SDR42E1: variants seen among roughly 807,000 people sequenced by gnomAD.
The protein encoded by SDR42E1 is short chain dehydrogenase/reductase family 42E, member 1.
In SDR42E1, 5 loss-of-function variants were observed where a neutral mutation model predicts 2.6. The ratio of observed to expected loss-of-function variants is 1.94; its 90% CI spans 1.01 to 4.08. The LOEUF (loss-of-function observed/expected upper bound fraction) is 4.08, where lower values mean the gene tolerates loss of function less well. SDR42E1 is among the 30% of genes most tolerant of loss of function. The probability of loss-of-function intolerance (pLI) is 0.00; values close to 1 mark genes in which losing one functional copy is unlikely to be tolerated. For missense variants in SDR42E1, 596 were observed against 478.6 expected (o/e 1.25, Z -2.29); for synonymous variants, 231 against 188.3 (o/e 1.23, Z -1.86).
In SDR42E1 at chr16:81,998,297, A is replaced by G. The variant is rs767717126; in HGVS notation, c.*814T>C. Reference sequence around the variant, plus strand: ...TGGCCTTCTTAGAGGCCTAAACTTTACAAATAGAGTATATCCAAATACACT... The same window carrying G: ...TGGCCTTCTTAGAGGCCTAAACTTTGCAAATAGAGTATATCCAAATACACT... On this transcript the variant is annotated 3_prime_UTR_variant, in exon 3 of 3. Coordinates refer to ENST00000328945, the MANE Select transcript of SDR42E1 (RefSeq NM_145168.3). 4 of 152,184 alleles carry G rather than the reference A, an allele frequency of 2.6e-5. No homozygotes were observed. The highest frequency in any genetic ancestry group is 4.4e-5 in the Non-Finnish European group (3 of 68,036). 9.4% of individuals were successfully genotyped at this position (152,184 alleles called of 1,614,324 possible). A position where few individuals can be genotyped will look rare whatever the true frequency, so the allele number is the denominator to read the frequency against.
chr16:82,006,607 A>C (rs1251254383), intron 1 of SDR42E1, among the ~76,000 whole-genome samples: 1 of 152,194 alleles, frequency 6.6e-6, no homozygotes, highest in Non-Finnish European at 1.5e-5. Context: ...AGCTGGGCCA[A>C]CATGGTGAAA....
chr16:81,989,660 C>A lies in SDR42E1; in HGVS notation c.*9451G>T, dbSNP rs936761100. ...CATGGTGTAATTGACTCTGCAATCT[C>A]AAGAAAAGAAAAACTCATTTTCAGT... On this transcript the variant is annotated 3_prime_UTR_variant, in exon 3 of 3. Coordinates refer to ENST00000328945, the MANE Select transcript of SDR42E1 (RefSeq NM_145168.3). The A allele has an allele frequency of 6.6e-6, 1 of 152,120 alleles. No homozygotes were observed. Among genetic ancestry groups the A allele is most frequent in the Non-Finnish European group, 1.5e-5 (1 of 68,038 alleles). 9.4% of individuals were successfully genotyped at this position (152,120 alleles called of 1,614,324 possible).
At chr16:82,010,247 T>C (rs1179928748) in intron 1 of SDR42E1, among the ~76,000 whole-genome samples, 1 of 152,226 alleles carries the variant, frequency 6.6e-6, no homozygotes, top group Non-Finnish European at 1.5e-5. Flanking sequence ...GTTACTAGTA[T>C]TATCATCAGC....
At chr16:82,004,057 C>G (rs1158191715) in intron 1 of SDR42E1, among the ~76,000 whole-genome samples, 1 of 152,142 alleles carries the variant, frequency 6.6e-6, no homozygotes, top group Non-Finnish European at 1.5e-5. Flanking sequence ...AAGATACAAA[C>G]CCAAACGAGA....
Position 81,999,128 on chromosome 16 carries a change from CAGA to C in SDR42E1, c.1162_1164del (p.Ser388del), listed in dbSNP as rs530656738. ...CCCCTCCTTCACAGTGACAGAATCA[CAGA>C]AGAAGGCAGCCACATGAGAACTGCT... On this transcript the variant is annotated inframe_deletion, in exon 3 of 3. Transcript: ENST00000328945. The C allele has an allele frequency of 3.8e-3, 6,067 of 1,613,630 alleles. 23 individuals carry two copies. Among genetic ancestry groups the C allele is most frequent in the Non-Finnish European group, 4.3e-3 (5,026 of 1,179,808 alleles).
chr16:82,007,744 G>A (rs1912988880), intron 1 of SDR42E1: 1 of 152,240 alleles, frequency 6.6e-6, no homozygotes. Context: ...CTTCTCCCAT[G>A]TGGCACAGGT....
intron 1 of SDR42E1, among the ~76,000 whole-genome samples, chr16:82,001,958 G>GTA (rs1233340391): frequency 1.6e-5 from 2 of 125,378 alleles, no homozygotes; most frequent in African/African-American, 5.2e-5. Flanking sequence ...CACTGGGTGC[G>GTA]TATACACACA....
rs1293948408 is a variant in SDR42E1, at chr16:82,000,106, C to CAGACAGGT, written c.179_186dup (p.Asp63ThrfsTer5). 1 of 1,614,202 alleles carries CAGACAGGT rather than the reference C, an allele frequency of 6.2e-7. No homozygotes were observed. Among genetic ancestry groups the CAGACAGGT allele is most frequent in the African/African-American group, 1.3e-5 (1 of 75,056 alleles). On this transcript the variant is annotated frameshift_variant, in exon 3 of 3. Coordinates refer to ENST00000328945, the MANE Select transcript of SDR42E1 (RefSeq NM_145168.3). LOFTEE classifies it low-confidence loss of function (END_TRUNC). ...GCATCCTGGAAGGCTTTCTCTACGTCAGACAGGTGGCGGATGTCTCCTTGT... is the reference window on the plus strand; with the variant it reads ...GCATCCTGGAAGGCTTTCTCTACGTCAGACAGGTAGACAGGTGGCGGATGTCTCCTTGT...
intron 1 of SDR42E1, among the ~76,000 whole-genome samples, chr16:82,002,738 T>C (rs1912809428): frequency 6.6e-6 from 1 of 152,200 alleles, no homozygotes; most frequent in Admixed American, 6.5e-5. Context: ...ACTGTGTGTT[T>C]ACCACATGTG....
rs143339322 is a variant in SDR42E1, at chr16:81,992,806, C to G, written c.*6305G>C. ...CATAATTACTTGAGTTCAATGAACT[C>G]AAGTAATTATGAACGCAACTTGAGT... On this transcript the variant is annotated 3_prime_UTR_variant, in exon 3 of 3. Coordinates refer to ENST00000328945, the MANE Select transcript of SDR42E1 (RefSeq NM_145168.3). The G allele has an allele frequency of 1.2e-4, 18 of 152,044 alleles. No homozygotes were observed. The East Asian group carries it at 3.5e-3, about 29-fold the overall frequency. The allele number at this position is 152,044 out of a possible 1,614,324, so 9.4% of individuals were successfully genotyped here.
chr16:82,002,361 G>A (rs1489168729), intron 1 of SDR42E1, among the ~76,000 whole-genome samples: 1 of 152,130 alleles, frequency 6.6e-6, no homozygotes, highest in Non-Finnish European at 1.5e-5. Flanking sequence ...TTTCTCTTCT[G>A]TCTGGTTGTG....
rs142633297 is a variant in SDR42E1 at position 81,998,864 on chromosome 16, T to C, written c.*247A>G. ...TTCTATGGCTCCAAACTGACTTCTATTGTACCCACCTAAAACAGAAGCACA... is the reference window on the plus strand; with the variant it reads ...TTCTATGGCTCCAAACTGACTTCTACTGTACCCACCTAAAACAGAAGCACA... On this transcript the variant is annotated 3_prime_UTR_variant, in exon 3 of 3. Transcript: ENST00000328945. 9.5e-3 allele frequency: 4,916 copies of C among 519,518 alleles called. 102 individuals carry two copies. Among genetic ancestry groups the C allele is most frequent in the South Asian group, 0.055 (2,186 of 39,650 alleles). The allele number at this position is 519,518 out of a possible 1,614,324, so 32.2% of individuals were successfully genotyped here. A position where few individuals can be genotyped will look rare whatever the true frequency, so the allele number is the denominator to read the frequency against.
chr16:82,002,083 C>A (rs894727195), intron 1 of SDR42E1, among the ~76,000 whole-genome samples: 1 of 151,988 alleles, frequency 6.6e-6, no homozygotes, highest in Non-Finnish European at 1.5e-5. Flanking sequence ...TTCTCTTTCC[C>A]AGCCAGGCAC....
In SDR42E1 at chr16:81,992,744, T is replaced by A. The variant is rs886978083; in HGVS notation, c.*6367A>T. The A allele has an allele frequency of 1.3e-5, 2 of 152,162 alleles. No homozygotes were observed. Among genetic ancestry groups the A allele is most frequent in the African/African-American group, 4.8e-5 (2 of 41,442 alleles). The allele number at this position is 152,162 out of a possible 1,614,324, so 9.4% of individuals were successfully genotyped here. A position where few individuals can be genotyped will look rare whatever the true frequency, so the allele number is the denominator to read the frequency against. ...CACTTGCCTGGATCACTTTGCTACA[T>A]GCAATTTCTTTGTAGTGAACTAGAT... is the stretch of plus-strand genomic sequence containing the variant. On this transcript the variant is annotated 3_prime_UTR_variant, in exon 3 of 3. Coordinates refer to ENST00000328945, the MANE Select transcript of SDR42E1 (RefSeq NM_145168.3).
Position 81,999,969 on chromosome 16 carries a change from C to A in SDR42E1, c.324G>T (p.Gln108His), listed in dbSNP as rs372075795. Residue 108 changes from glutamine (Q) to histidine (H), a missense_variant, in exon 3 of 3, where the codon CAG (glutamine) becomes CAT (histidine). Coordinates refer to ENST00000328945, the MANE Select transcript of SDR42E1 (RefSeq NM_145168.3). ...VNVRGTDNILQVCQRRRVPRL... is the reference protein window; with the variant it reads ...VNVRGTDNILHVCQRRRVPRL... The stretch of plus-strand genomic sequence containing the variant: ...TGGGCACCCTTCTCCTTTGGCAAAC[C>A]TGGAGGATGTTGTCTGTGCCCCTGA... 1.9e-6 allele frequency: 3 copies of A among 1,614,178 alleles called. No homozygotes were observed. Among genetic ancestry groups the A allele is most frequent in the South Asian group, 2.2e-5 (2 of 91,074 alleles).
At position 82,004,104 on chromosome 16, in the gene SDR42E1, G is replaced by A. The variant is rs1426132415; in HGVS notation, c.-26-3220C>T. Among the ~76,000 whole-genome samples the A allele has an allele frequency of 2.0e-5, 3 of 152,148 alleles. No homozygotes were observed. In the East Asian group the frequency reaches 5.8e-4, roughly 29 times the overall value. On this transcript the variant is annotated intron_variant, in intron 1 of 2. Coordinates refer to ENST00000328945, the MANE Select transcript of SDR42E1 (RefSeq NM_145168.3). ...CTTTCCAGAGCTTACAAATAAGAAA[G>A]AGGCTTCTACAGATACCAAAAGGAA...
At chr16:82,000,956 A>G in intron 1 of SDR42E1, 72 bp from the exon 2 acceptor site, 4 of 1,058,314 alleles carry the variant, frequency 3.8e-6, no homozygotes, top group Non-Finnish European at 5.6e-6. Context: ...TTGACCTAAC[A>G]AAAACAAAAA....
chr16:81,993,901 G>A lies in SDR42E1; in HGVS notation c.*5210C>T, dbSNP rs1053229099. On this transcript the variant is annotated 3_prime_UTR_variant, in exon 3 of 3. Coordinates refer to ENST00000328945, the MANE Select transcript of SDR42E1 (RefSeq NM_145168.3). ...TCAAATAAACATGATTCTAGAAAAG[G>A]AAATCAATCTCATTTTTTAAGAAAA... The A allele has an allele frequency of 6.6e-6, 1 of 152,082 alleles. No individual in the cohort carries two copies. The highest frequency in any genetic ancestry group is 1.5e-5 in the Non-Finnish European group (1 of 68,008). 9.4% of individuals were successfully genotyped at this position (152,082 alleles called of 1,614,324 possible).
At position 81,994,180 on chromosome 16, in the gene SDR42E1, C is replaced by T. The variant is rs1395730546; in HGVS notation, c.*4931G>A. Reference sequence around the variant, plus strand: ...GAGGACGATCTGGAATGATGAGCGTCCCGCAGGCAGCGTTACGGAACCCCA... The same window carrying T: ...GAGGACGATCTGGAATGATGAGCGTTCCGCAGGCAGCGTTACGGAACCCCA... On this transcript the variant is annotated 3_prime_UTR_variant, in exon 3 of 3. Coordinates refer to ENST00000328945, the MANE Select transcript of SDR42E1 (RefSeq NM_145168.3). 1 of 152,200 alleles carries T rather than the reference C, an allele frequency of 6.6e-6. No individual in the cohort carries two copies. The highest frequency in any genetic ancestry group is 1.5e-5 in the Non-Finnish European group (1 of 68,060). 9.4% of individuals were successfully genotyped at this position (152,200 alleles called of 1,614,324 possible). A position where few individuals can be genotyped will look rare whatever the true frequency, so the allele number is the denominator to read the frequency against.
Sources: allele counts gnomAD v4.1 joint callset (sites outside exome capture counted in the v4.1 genomes callset), GRCh38; gene constraint gnomAD v4.1.1; transcripts MANE v1.5; gene names NCBI Gene and HGNC (gene_info 2026-07-23, HGNC 2026-07-21).